LOC728743: variants seen among roughly 807,000 people sequenced by gnomAD.
the LOC728743 span, chr7:150,408,516 C>T: frequency 1.8e-5 from 5 of 271,038 alleles, no homozygotes; most frequent in Non-Finnish European, 3.5e-5. Context: ...GGCCAGAGCC[C>T]CTCTCAGGGC....
the LOC728743 span, among the ~76,000 whole-genome samples, chr7:150,406,441 G>T: frequency 6.6e-6 from 1 of 152,138 alleles, no homozygotes; most frequent in Non-Finnish European, 1.5e-5. Flanking sequence ...GTGGCAGTGG[G>T]GGGTGTGTGT....
At chr7:150,401,100 T>G in the LOC728743 span, 1 of 152,250 alleles carries the variant, frequency 6.6e-6, no homozygotes, top group Non-Finnish European at 1.5e-5. Flanking sequence ...GTACAGGCGG[T>G]GCAGTGGCTG....
the LOC728743 span, chr7:150,410,181 A>G: frequency 2.5e-5 from 10 of 398,530 alleles, no homozygotes; most frequent in Admixed American, 8.8e-5. Context: ...GCAGGATCTT[A>G]AGACCCGATA....
At chr7:150,408,143 G>A in the LOC728743 span, 1 of 389,786 alleles carries the variant, frequency 2.6e-6, no homozygotes, top group East Asian at 3.7e-5. Flanking sequence ...CTTCGCGCGC[G>A]AGGGCTCGCT....
chr7:150,406,494 A>G, the LOC728743 span, among the ~76,000 whole-genome samples: 1 of 152,106 alleles, frequency 6.6e-6, no homozygotes, highest in East Asian at 1.9e-4. Flanking sequence ...TAGTACATTG[A>G]AAAGAGCTTT....
the LOC728743 span, among the ~76,000 whole-genome samples, chr7:150,402,436 T>A: frequency 6.6e-6 from 1 of 152,156 alleles, no homozygotes; most frequent in South Asian, 2.1e-4. Context: ...CTCCAAACCC[T>A]TGGGGGCCAT....
At chr7:150,403,628 G>A in the LOC728743 span, among the ~76,000 whole-genome samples, 1 of 152,178 alleles carries the variant, frequency 6.6e-6, no homozygotes, top group African/African-American at 2.4e-5. This position sits in a 1 kb window ranked among gnomAD's most constrained non-coding sequence, Gnocchi z 5.1. Flanking sequence ...TGGGGTGCTG[G>A]TGTCACTGCA....
chr7:150,411,151 T>A, the LOC728743 span: 2 of 152,336 alleles, frequency 1.3e-5, no homozygotes, highest in African/African-American at 4.8e-5. Flanking sequence ...GGCTCTGATT[T>A]CACTGTGTGG....
At chr7:150,411,177 GA>G in the LOC728743 span, 1 of 152,326 alleles carries the variant, frequency 6.6e-6, no homozygotes, top group Non-Finnish European at 1.5e-5. Flanking sequence ...GGGGAAGCTG[GA>G]CTGCTGTGGA....
chr7:150,407,489 G>C, the LOC728743 span: 1 of 397,720 alleles, frequency 2.5e-6, no homozygotes, highest in South Asian at 1.4e-4. Flanking sequence ...TGTGGGAGGT[G>C]AGTGTCCCTG....
At chr7:150,404,451 G>A in the LOC728743 span, 2 of 152,222 alleles carry the variant, frequency 1.3e-5, no homozygotes, top group Non-Finnish European at 2.9e-5. Context: ...GTTGGAGGAA[G>A]CCACTCTGTG....
the LOC728743 span, chr7:150,408,215 G>C: frequency 2.6e-6 from 1 of 391,790 alleles, no homozygotes; most frequent in Non-Finnish European, 4.5e-6. Flanking sequence ...CTTAGGACGC[G>C]TGCTATGATG....
the LOC728743 span, among the ~76,000 whole-genome samples, chr7:150,402,809 C>G: frequency 2.0e-5 from 3 of 152,126 alleles, no homozygotes. Context: ...TGGAGCTGCC[C>G]CGAGGAGGCC....
the LOC728743 span, chr7:150,400,705 TTGCAGCC>T: frequency 0.025 from 3,839 of 152,364 alleles, 71 homozygotes; most frequent in Non-Finnish European, 0.042. Flanking sequence ...TACTGTCACA[TTGCAGCC>T]TTCTGCAAGG....
the LOC728743 span, chr7:150,405,381 G>A: frequency 6.6e-6 from 1 of 152,236 alleles, no homozygotes; most frequent in African/African-American, 2.4e-5. Flanking sequence ...CGAGGCCAGA[G>A]CCGGACCCTC....
the LOC728743 span, among the ~76,000 whole-genome samples, chr7:150,403,887 AAGC>A: frequency 3.9e-5 from 6 of 152,292 alleles, no homozygotes; most frequent in East Asian, 1.2e-3. This position sits in a 1 kb window ranked among gnomAD's most constrained non-coding sequence, Gnocchi z 5.1. Flanking sequence ...CGAGCTGTGA[AAGC>A]AGGCAGGCCT....
At chr7:150,403,172 GA>G in the LOC728743 span, among the ~76,000 whole-genome samples, 11 of 152,184 alleles carry the variant, frequency 7.2e-5, no homozygotes, top group African/African-American at 2.7e-4. The surrounding 1 kb of genome is among the most constrained non-coding windows in gnomAD (Gnocchi z 5.1). Flanking sequence ...AGAATGGGAT[GA>G]GGGGGAACCT....
the LOC728743 span, chr7:150,408,397 G>A: frequency 1.4e-5 from 5 of 361,106 alleles, no homozygotes; most frequent in Non-Finnish European, 2.5e-5. Flanking sequence ...GCCCGCTCGC[G>A]TTCCTCCCTC....
At chr7:150,407,039 C>T in the LOC728743 span, among the ~76,000 whole-genome samples, 2 of 152,194 alleles carry the variant, frequency 1.3e-5, no homozygotes, top group Non-Finnish European at 2.9e-5. Context: ...GTGCACTTCC[C>T]TACCTCCCCC....
Sources: gnomAD v4.1 joint callset for allele counts (sites outside exome capture counted in the v4.1 genomes callset) on GRCh38, gnomAD v4.1.1 for gene constraint, Gnocchi (gnomAD v3.1) non-coding constraint, MANE v1.5 for transcripts.